The following GRM7 variants were observed in gnomAD, a reference collection of about 807,000 sequenced individuals.
GRM7 encodes metabotropic glutamate receptor 7.
A neutral mutation model predicts 84.5 loss-of-function variants in GRM7; 35 were observed. The observed-to-expected ratio is 0.41, with a 90% confidence interval of 0.32 to 0.55. GRM7 has a LOEUF of 0.55. GRM7 is among the 20% of genes least tolerant of loss of function. GRM7 has a pLI of 0.19. For missense variants in GRM7, 1,003 were observed against 1,194.6 expected (o/e 0.84, Z 2.36); for synonymous variants, 487 against 455.1 (o/e 1.07, Z -0.89).
intron 8 of GRM7, among the ~76,000 whole-genome samples, chr3:7,589,191 T>A (rs779791529): frequency 1.3e-5 from 2 of 152,214 alleles, no homozygotes; most frequent in Non-Finnish European, 2.9e-5. Context: ...GAGCCCTTGG[T>A]TTTAACCCAG....
chr3:7,729,022 C>T (rs541285376), intron 9 of GRM7, among the ~76,000 whole-genome samples: 1 of 146,810 alleles, frequency 6.8e-6, no homozygotes, highest in Non-Finnish European at 1.5e-5. Context: ...GGACAGCAAC[C>T]TCAGCATAAT....
intron 1 of GRM7, among the ~76,000 whole-genome samples, chr3:7,023,948 G>A (rs963386632): frequency 2.0e-4 from 30 of 152,138 alleles, no homozygotes; most frequent in Non-Finnish European, 4.3e-4. Flanking sequence ...GCTAATGAAA[G>A]TCTTCCTAGG....
At chr3:7,224,733 C>G (rs115404303) in intron 2 of GRM7, among the ~76,000 whole-genome samples, 2 of 152,058 alleles carry the variant, frequency 1.3e-5, no homozygotes, top group African/African-American at 2.4e-5. Flanking sequence ...TTATGGAGAA[C>G]CGTTCTGTCT....
intron 7 of GRM7, among the ~76,000 whole-genome samples, chr3:7,483,039 A>G (rs995252789): frequency 7.9e-5 from 12 of 152,178 alleles, no homozygotes; most frequent in African/African-American, 2.9e-4. Context: ...TTTTGCAAAT[A>G]AGGAAAGAAG....
chr3:7,315,572 C>A (rs1360959441), intron 4 of GRM7, among the ~76,000 whole-genome samples: 2 of 152,122 alleles, frequency 1.3e-5, no homozygotes, highest in South Asian at 2.1e-4. Context: ...AGGTAGCCCC[C>A]AGACAAATTA....
At chr3:7,389,142 C>T (rs1167631555) in intron 4 of GRM7, among the ~76,000 whole-genome samples, 1 of 152,106 alleles carries the variant, frequency 6.6e-6, no homozygotes, top group Non-Finnish European at 1.5e-5. Context: ...ACCCATAAGT[C>T]ATTCAATAGC....
At chr3:7,481,926 G>A (rs544623957) in intron 7 of GRM7, among the ~76,000 whole-genome samples, 3 of 152,292 alleles carry the variant, frequency 2.0e-5, no homozygotes, top group East Asian at 1.9e-4. Flanking sequence ...AGTGACTCAC[G>A]CCTGTAATCC....
At chr3:7,149,259 G>A (rs1694202999) in intron 2 of GRM7, among the ~76,000 whole-genome samples, 2 of 152,104 alleles carry the variant, frequency 1.3e-5, no homozygotes, top group Non-Finnish European at 2.9e-5. Flanking sequence ...ATGGCCTAGA[G>A]AAAACATGAA....
chr3:7,518,835 C>G (rs940822117), intron 7 of GRM7, among the ~76,000 whole-genome samples: 17 of 152,236 alleles, frequency 1.1e-4, no homozygotes, highest in Admixed American at 1.1e-3. Flanking sequence ...TAAGTGAAAA[C>G]TAGACCTCTG....
intron 8 of GRM7, among the ~76,000 whole-genome samples, chr3:7,631,612 A>G (rs1471076591): frequency 6.6e-6 from 1 of 152,106 alleles, no homozygotes; most frequent in African/African-American, 2.4e-5. Flanking sequence ...GGCTTTTTCA[A>G]CTTTTGCACT....
At chr3:7,064,506 A>G (rs1697571411) in intron 1 of GRM7, among the ~76,000 whole-genome samples, 2 of 48,872 alleles carry the variant, frequency 4.1e-5, no homozygotes, top group South Asian at 1.2e-3. Flanking sequence ...ATATATACAC[A>G]TATATATATA....
chr3:7,591,589 C>G (rs144483532), intron 8 of GRM7: 1 of 366,002 alleles, frequency 2.7e-6, no homozygotes, highest in African/African-American at 2.2e-5. Flanking sequence ...AGAATGTTCA[C>G]GAGAATGTAA....
At chr3:7,737,675 G>C (rs1702550148) in intron 9 of GRM7, among the ~76,000 whole-genome samples, 1 of 152,014 alleles carries the variant, frequency 6.6e-6, no homozygotes, top group Non-Finnish European at 1.5e-5. Context: ...TTATAATTTT[G>C]GGGCAATGTT....
At chr3:7,002,989 G>C (rs956747804) in intron 1 of GRM7, among the ~76,000 whole-genome samples, 10 of 152,116 alleles carry the variant, frequency 6.6e-5, no homozygotes, top group Non-Finnish European at 1.5e-4. Context: ...GCCAGACCCA[G>C]AAAGATGAAT....
chr3:7,275,416 T>A (rs1312324748), intron 2 of GRM7, among the ~76,000 whole-genome samples: 1 of 152,128 alleles, frequency 6.6e-6, no homozygotes, highest in Non-Finnish European at 1.5e-5. Flanking sequence ...ACTAATATGT[T>A]GGTAAGGTGT....
intron 1 of GRM7, among the ~76,000 whole-genome samples, chr3:7,098,490 T>C (rs1698933121): frequency 6.6e-6 from 1 of 151,940 alleles, no homozygotes. Flanking sequence ...AACTATAGAA[T>C]CAGATATGAG....
intron 7 of GRM7, among the ~76,000 whole-genome samples, chr3:7,540,952 T>C (rs554059369): frequency 3.0e-4 from 45 of 152,208 alleles, no homozygotes; most frequent in African/African-American, 1.0e-3. Flanking sequence ...AAAAAGCAAG[T>C]TGAAGAAGTA....
intron 7 of GRM7, among the ~76,000 whole-genome samples, chr3:7,577,381 T>C (rs1695019210): frequency 6.6e-6 from 1 of 152,188 alleles, no homozygotes; most frequent in South Asian, 2.1e-4. Flanking sequence ...CACTACAATA[T>C]ACTAATTGGT....
chr3:7,740,919 A>G lies in GRM7; in HGVS notation c.*513A>G, dbSNP rs1693367873. ...TATTTGGAAAAATTTTAAAACAATTAAAATTTTAAAGCAATCTTGGCAGAC... is the reference window on the plus strand; with the variant it reads ...TATTTGGAAAAATTTTAAAACAATTGAAATTTTAAAGCAATCTTGGCAGAC... On this transcript the variant is annotated 3_prime_UTR_variant, in exon 10 of 10. Coordinates refer to ENST00000357716, the MANE Select transcript of GRM7 (RefSeq NM_000844.4). 1 of 152,688 alleles carries G rather than the reference A, an allele frequency of 6.5e-6. No homozygotes were observed. The highest frequency in any genetic ancestry group is 2.4e-5 in the African/African-American group (1 of 41,452). The allele number at this position is 152,688 out of a possible 1,614,324, so 9.5% of individuals were successfully genotyped here.
Sources: allele counts gnomAD v4.1 joint callset (sites outside exome capture counted in the v4.1 genomes callset), GRCh38; gene constraint gnomAD v4.1.1; transcripts MANE v1.5; gene names NCBI Gene and HGNC (gene_info 2026-07-23, HGNC 2026-07-21).